Variants in ADARB2 observed in about 807,000 individuals in gnomAD.
ADARB2 encodes the protein inactive double-stranded RNA-specific editase B2.
ADARB2 carries 25 observed loss-of-function variants against 62.2 expected under a neutral mutation model. The ratio of observed to expected loss-of-function variants is 0.40; its 90% CI spans 0.29 to 0.56. The LOEUF (loss-of-function observed/expected upper bound fraction) is 0.56. Among genes scored for constraint, ADARB2 ranks in the 20% least tolerant of loss-of-function variants. The pLI is 0.43. For missense variants in ADARB2, 1,071 were observed against 1,077.4 expected (o/e 0.99, Z 0.08); for synonymous variants, 572 against 500.8 (o/e 1.14, Z -1.90).
At chr10:1,389,780 TAAATAATA>T (rs1374436355) in intron 1 of ADARB2, among the ~76,000 whole-genome samples, 9 of 147,040 alleles carry the variant, frequency 6.1e-5, no homozygotes, top group African/African-American at 2.0e-4. Flanking sequence ...AATAAATAAA[TAAATAATA>T]AATAAAAAAT....
intron 1 of ADARB2, among the ~76,000 whole-genome samples, chr10:1,670,133 A>C: frequency 6.6e-6 from 1 of 152,206 alleles, no homozygotes; most frequent in South Asian, 2.1e-4. Context: ...AAACATTTTG[A>C]ATATTTGGAA....
At chr10:1,639,099 C>G (rs1468033690) in intron 1 of ADARB2, among the ~76,000 whole-genome samples, 1 of 152,332 alleles carries the variant, frequency 6.6e-6, no homozygotes, top group East Asian at 1.9e-4. Context: ...TGGCCATCTC[C>G]TAAAGCTGGA....
At chr10:1,259,939 A>G (rs926007971) in intron 4 of ADARB2, among the ~76,000 whole-genome samples, 1 of 152,206 alleles carries the variant, frequency 6.6e-6, no homozygotes, top group Non-Finnish European at 1.5e-5. Flanking sequence ...ACACATCAAA[A>G]AGCTCATCCA....
intron 1 of ADARB2, among the ~76,000 whole-genome samples, chr10:1,479,437 G>A (rs1281554958): frequency 6.6e-6 from 1 of 152,192 alleles, no homozygotes; most frequent in East Asian, 1.9e-4. Flanking sequence ...GGCCCGGACA[G>A]CAGAGGCTGG....
intron 3 of ADARB2, chr10:1,290,560 G>A (rs1412128216): frequency 2.6e-5 from 4 of 152,218 alleles, no homozygotes; most frequent in Admixed American, 2.6e-4. Context: ...CAAAATCTGG[G>A]CTCCTGACCA....
chr10:1,437,251 T>TGC (rs1564288742), intron 1 of ADARB2, among the ~76,000 whole-genome samples: 1 of 2,656 alleles, frequency 3.8e-4, no homozygotes, highest in Non-Finnish European at 2.1e-3. Flanking sequence ...CACATATATA[T>TGC]ACACACACAC....
intron 1 of ADARB2, among the ~76,000 whole-genome samples, chr10:1,497,455 C>G (rs545014886): frequency 7.8e-4 from 118 of 152,256 alleles, no homozygotes; most frequent in African/African-American, 2.8e-3. Flanking sequence ...TCATTTGAGA[C>G]AAATTTTAGA....
chr10:1,325,404 G>T (rs150404581), intron 3 of ADARB2, among the ~76,000 whole-genome samples: 6 of 152,258 alleles, frequency 3.9e-5, no homozygotes, highest in Non-Finnish European at 7.4e-5. Context: ...TGGGGCGAGG[G>T]TTCATATCCT....
intron 6 of ADARB2, among the ~76,000 whole-genome samples, chr10:1,221,754 T>G (rs186916979): frequency 1.5e-4 from 23 of 152,348 alleles, no homozygotes; most frequent in African/African-American, 5.5e-4. Context: ...AACTCATCTT[T>G]TTTTTATGGC....
intron 1 of ADARB2, among the ~76,000 whole-genome samples, chr10:1,399,433 C>CT (rs35732104): frequency 6.3e-4 from 94 of 148,170 alleles, no homozygotes; most frequent in South Asian, 4.7e-3. Context: ...CCAATCATAT[C>CT]TTTTTTTTTT....
intron 1 of ADARB2, among the ~76,000 whole-genome samples, chr10:1,610,091 GT>G (rs1352050195): frequency 6.6e-6 from 1 of 151,768 alleles, no homozygotes; most frequent in Non-Finnish European, 1.5e-5. Context: ...TTTTAAGATT[GT>G]TTTATTATGA....
intron 1 of ADARB2, among the ~76,000 whole-genome samples, chr10:1,721,713 C>T (rs1197667310): frequency 6.6e-6 from 1 of 152,180 alleles, no homozygotes; most frequent in Non-Finnish European, 1.5e-5. Flanking sequence ...AATATTATCT[C>T]AATGATGTGT....
chr10:1,494,666 A>G (rs1048367441), intron 1 of ADARB2, among the ~76,000 whole-genome samples: 7 of 152,228 alleles, frequency 4.6e-5, no homozygotes, highest in Non-Finnish European at 7.3e-5. Context: ...GACAACAGTA[A>G]CATGTCATTT....
chr10:1,258,011 CCA>C, intron 4 of ADARB2, among the ~76,000 whole-genome samples: 1 of 152,298 alleles, frequency 6.6e-6, no homozygotes, highest in East Asian at 1.9e-4. Flanking sequence ...ATATCTCCAT[CCA>C]CACAGTGGGG....
At chr10:1,329,675 C>A (rs887410946) in intron 3 of ADARB2, among the ~76,000 whole-genome samples, 3 of 152,336 alleles carry the variant, frequency 2.0e-5, no homozygotes, top group Admixed American at 1.3e-4. Context: ...CTGATGGCTG[C>A]TTTTAAGATC....
At chr10:1,205,292 T>A (rs548199511) in intron 7 of ADARB2, among the ~76,000 whole-genome samples, 2 of 152,104 alleles carry the variant, frequency 1.3e-5, no homozygotes, top group East Asian at 1.9e-4. Flanking sequence ...ACAACAGGTT[T>A]TAGGTGGCCC....
At chr10:1,417,747 G>A (rs895389677) in intron 1 of ADARB2, among the ~76,000 whole-genome samples, 5 of 152,286 alleles carry the variant, frequency 3.3e-5, no homozygotes, top group South Asian at 4.1e-4. Flanking sequence ...TGGACTCAGC[G>A]CCCTGCCTGG....
At chr10:1,678,999 AGT>A (rs1359520908) in intron 1 of ADARB2, among the ~76,000 whole-genome samples, 2 of 152,202 alleles carry the variant, frequency 1.3e-5, no homozygotes, top group African/African-American at 4.8e-5. Flanking sequence ...GACATGAGCG[AGT>A]GAGTTCTCCT....
rs1348675173 is a variant in ADARB2 at position 1,611,849 on chromosome 10, GGACA to G, written c.100+125198_100+125201del. ...AACTCTTGCAGCAGTGAAAAAAGAT[GGACA>G]GACAGAGCCCTGGGCAACCCTGGAC... On this transcript the variant is annotated intron_variant, in intron 1 of 9. Transcript: ENST00000381312. Among the ~76,000 whole-genome samples the G allele has an allele frequency of 3.9e-5, 6 of 152,216 alleles. No homozygotes were observed. The East Asian group carries it at 9.7e-4, about 25-fold the overall frequency.
Sources: gnomAD v4.1 joint callset for allele counts (sites outside exome capture counted in the v4.1 genomes callset) on GRCh38, gnomAD v4.1.1 for gene constraint, MANE v1.5 for transcripts, NCBI Gene and HGNC (gene_info 2026-07-23, HGNC 2026-07-21) for gene names.